The following PCDH15 variants were observed in gnomAD, a reference collection of about 807,000 sequenced individuals.
The protein encoded by PCDH15 is protocadherin-15.
A neutral mutation model predicts 178.5 loss-of-function variants in PCDH15; 129 were observed. The ratio of observed to expected loss-of-function variants is 0.72; its 90% CI spans 0.63 to 0.84. PCDH15 has a LOEUF of 0.84. Among genes scored for constraint, PCDH15 ranks in the 40% least tolerant of loss-of-function variants. The pLI, the probability that PCDH15 is intolerant of heterozygous loss-of-function variation, is 0.00. For missense variants in PCDH15, 2,230 were observed against 2,099.9 expected (o/e 1.06, Z -1.21); for synonymous variants, 800 against 732.0 (o/e 1.09, Z -1.50).
At chr10:55,027,730 G>T (rs1179001659) in intron 2 of PCDH15, among the ~76,000 whole-genome samples, 1 of 151,734 alleles carries the variant, frequency 6.6e-6, no homozygotes, top group South Asian at 2.1e-4. Flanking sequence ...TACCACTCTG[G>T]TGTTTATTTG....
At chr10:54,842,261 G>A (rs967124797) in intron 3 of PCDH15, among the ~76,000 whole-genome samples, 5 of 151,534 alleles carry the variant, frequency 3.3e-5, no homozygotes, top group Admixed American at 1.3e-4. Flanking sequence ...TAGAGTCTTC[G>A]TAATTTTATT....
chr10:54,780,312 C>T (rs1214344540), intron 1 of PCDH15, among the ~76,000 whole-genome samples: 1 of 152,144 alleles, frequency 6.6e-6, no homozygotes, highest in Non-Finnish European at 1.5e-5. Flanking sequence ...TCTGAGCTTA[C>T]ATTACATTTA....
chr10:55,338,377 C>T (rs1392214437), intron 2 of PCDH15, among the ~76,000 whole-genome samples: 2 of 152,238 alleles, frequency 1.3e-5, no homozygotes, highest in East Asian at 3.9e-4. Flanking sequence ...TTCGCAATGA[C>T]CAAGATATGG....
At chr10:54,174,931 A>G (rs1395798276) in intron 13 of PCDH15, among the ~76,000 whole-genome samples, 1 of 151,980 alleles carries the variant, frequency 6.6e-6, no homozygotes, top group African/African-American at 2.4e-5. Context: ...TAACCTGTAT[A>G]AGTTCAGAAT....
intron 1 of PCDH15, among the ~76,000 whole-genome samples, chr10:55,290,218 G>T (rs1842974081): frequency 6.6e-6 from 1 of 151,742 alleles, no homozygotes; most frequent in African/African-American, 2.4e-5. Flanking sequence ...TCAAGGAGAT[G>T]GGTTGAAGTC....
At chr10:53,943,766 C>T (rs2086284139) in intron 23 of PCDH15, among the ~76,000 whole-genome samples, 1 of 152,114 alleles carries the variant, frequency 6.6e-6, no homozygotes, top group African/African-American at 2.4e-5. Context: ...TTCCAGTACA[C>T]TTGTTTCTAT....
intron 2 of PCDH15, among the ~76,000 whole-genome samples, chr10:55,017,736 A>G (rs573426053): frequency 4.6e-5 from 7 of 152,202 alleles, no homozygotes; most frequent in African/African-American, 1.7e-4. Context: ...CTTTGAGGGA[A>G]TATAAATATA....
chr10:54,145,412 C>T (rs963598716), intron 14 of PCDH15, among the ~76,000 whole-genome samples: 2 of 151,944 alleles, frequency 1.3e-5, no homozygotes, highest in Non-Finnish European at 2.9e-5. Flanking sequence ...AGATTAATTA[C>T]TGTTTTTGTT....
intron 2 of PCDH15, among the ~76,000 whole-genome samples, chr10:55,539,766 C>A (rs899838738): frequency 1.3e-5 from 2 of 151,958 alleles, no homozygotes; most frequent in East Asian, 3.9e-4. Context: ...TATTTTAATA[C>A]AGTTAATTTT....
At chr10:55,259,522 A>G (rs1842094433) in intron 1 of PCDH15, among the ~76,000 whole-genome samples, 1 of 152,194 alleles carries the variant, frequency 6.6e-6, no homozygotes, top group South Asian at 2.1e-4. Context: ...CAATTTTACT[A>G]TCAGTCAACT....
At chr10:55,202,715 G>C (rs541315529) in intron 1 of PCDH15, among the ~76,000 whole-genome samples, 1 of 152,222 alleles carries the variant, frequency 6.6e-6, no homozygotes, top group African/African-American at 2.4e-5. Context: ...TCAAGGGAGG[G>C]ACCTAGTGGG....
intron 2 of PCDH15, among the ~76,000 whole-genome samples, chr10:54,997,159 A>C (rs2131924794): frequency 6.6e-6 from 1 of 152,176 alleles, no homozygotes. Context: ...CACCCAAAAT[A>C]TTGGTACAAA....
At chr10:55,351,658 T>C (rs562246519) in intron 2 of PCDH15, among the ~76,000 whole-genome samples, 310 of 152,312 alleles carry the variant, frequency 2.0e-3, no homozygotes, top group African/African-American at 7.4e-3. Context: ...TCTCTTTGTC[T>C]GAGAAACTCA....
chr10:55,445,272 C>CT (rs899062249), intron 2 of PCDH15, among the ~76,000 whole-genome samples: 5 of 151,010 alleles, frequency 3.3e-5, no homozygotes, highest in Admixed American at 6.6e-5. Flanking sequence ...GGTTTTCCTG[C>CT]TTTTTTTTTC....
intron 26 of PCDH15, among the ~76,000 whole-genome samples, chr10:53,890,335 G>A (rs1443320645): frequency 6.6e-6 from 1 of 152,190 alleles, no homozygotes; most frequent in Non-Finnish European, 1.5e-5. Context: ...GCTGAGGCAG[G>A]AGAATCGCTT....
intron 2 of PCDH15, among the ~76,000 whole-genome samples, chr10:55,464,129 C>T (rs1483242140): frequency 6.6e-6 from 1 of 151,694 alleles, no homozygotes; most frequent in Non-Finnish European, 1.5e-5. Context: ...CTCTCCCTAC[C>T]GGGAGTCGGA....
intron 8 of PCDH15, among the ~76,000 whole-genome samples, chr10:54,240,626 CTTTTTTT>C (rs1228784141): frequency 5.0e-5 from 4 of 79,662 alleles, no homozygotes; most frequent in South Asian, 5.3e-4. Flanking sequence ...TTTTCTTTTG[CTTTTTTT>C]TTTTTTTTTT....
At chr10:55,446,437 G>A (rs1026470800) in intron 2 of PCDH15, among the ~76,000 whole-genome samples, 6 of 151,884 alleles carry the variant, frequency 4.0e-5, no homozygotes, top group South Asian at 2.1e-4. Context: ...AATGATAGAA[G>A]AAAATCTATG....
At chr10:55,604,265 A>G (rs1337290697) in intron 2 of PCDH15, among the ~76,000 whole-genome samples, 17 of 93,244 alleles carry the variant, frequency 1.8e-4, no homozygotes, top group Admixed American at 5.0e-4. Flanking sequence ...GTGACCTACA[A>G]AGAGACTTAG....
Sources: allele counts gnomAD v4.1 joint callset (sites outside exome capture counted in the v4.1 genomes callset), GRCh38; gene constraint gnomAD v4.1.1; transcripts MANE v1.5; gene names NCBI Gene and HGNC (gene_info 2026-07-23, HGNC 2026-07-21).